CD83: variants seen among roughly 807,000 people sequenced by gnomAD.
The protein encoded by CD83 is CD83 molecule, also known as CD83 antigen.
In CD83, 22 loss-of-function variants were observed where a neutral mutation model predicts 24.6. The ratio of observed to expected loss-of-function variants is 0.90; its 90% CI spans 0.64 to 1.28. The LOEUF (loss-of-function observed/expected upper bound fraction) is 1.28. Among genes scored for constraint, CD83 ranks in the 50% most tolerant of loss-of-function variants. CD83 has a pLI of 0.00. For missense variants in CD83, 253 were observed against 252.8 expected (o/e 1.00, Z -0.01); for synonymous variants, 101 against 103.5 (o/e 0.98, Z 0.14).
intron 4 of CD83, among the ~76,000 whole-genome samples, chr6:14,134,413 G>T (rs1227174562): frequency 6.6e-6 from 1 of 152,186 alleles, no homozygotes; most frequent in Non-Finnish European, 1.5e-5. Context: ...CTGTGTTGAT[G>T]ATGGTTGTGG....
intron 3 of CD83, among the ~76,000 whole-genome samples, chr6:14,133,276 G>A (rs1426833004): frequency 6.6e-6 from 1 of 152,244 alleles, no homozygotes; most frequent in Non-Finnish European, 1.5e-5. Context: ...AGCCAGGAAA[G>A]GCTTGACATC....
intron 2 of CD83, among the ~76,000 whole-genome samples, chr6:14,124,665 G>T (rs1459556961): frequency 2.6e-5 from 4 of 152,146 alleles, no homozygotes; most frequent in African/African-American, 9.7e-5. Context: ...TCTTTCAGTT[G>T]TGAGGGATTG....
upstream of CD83, chr6:14,117,629 G>GCGGGGA: frequency 2.9e-6 from 1 of 344,892 alleles, no homozygotes; most frequent in East Asian, 4.2e-5. This position sits in a 1 kb window ranked among gnomAD's most constrained non-coding sequence, Gnocchi z 4.6. Flanking sequence ...GGCGAAGGGG[G>GCGGGGA]CGGGGACGGG....
At chr6:14,132,521 G>T (rs1757932725) in intron 3 of CD83, among the ~76,000 whole-genome samples, 1 of 152,234 alleles carries the variant, frequency 6.6e-6, no homozygotes, top group African/African-American at 2.4e-5. Context: ...TTGTTAGTGT[G>T]TGACCTTGAG....
chr6:14,117,803 G>A lies in CD83; in HGVS notation c.-9G>A, dbSNP rs111804875. ...CTGCAGCTCGTGGCAGCGGCGCAGC[G>A]CTCCAGCCATGTCGCGCGGCCTCCA... is the stretch of plus-strand genomic sequence containing the variant. On this transcript the variant is annotated 5_prime_UTR_variant, in exon 1 of 5. Coordinates refer to ENST00000379153, the MANE Select transcript of CD83 (RefSeq NM_004233.4). The surrounding 1 kb of genome is among the most constrained non-coding windows in gnomAD (Gnocchi z 4.6). The A allele has an allele frequency of 0.2, 303,870 of 1,533,824 alleles. 32,111 individuals are homozygous for A. Among genetic ancestry groups the A allele is most frequent in the Middle Eastern group, 0.23 (1,236 of 5,384 alleles).
At chr6:14,135,050 G>GT (rs1430027680) in intron 4 of CD83, 58 bp from the exon 5 acceptor site, 2 of 1,581,816 alleles carry the variant, frequency 1.3e-6, no homozygotes, top group Non-Finnish European at 1.7e-6. Context: ...TTAAAAGGAG[G>GT]TGACAACTGC....
rs2113381810 is a variant in CD83, at chr6:14,118,023, C to G, written c.111C>G (p.Ala37=). The G allele has an allele frequency of 6.2e-7, 1 of 1,610,690 alleles. No homozygotes were observed. The highest frequency in any genetic ancestry group is 8.5e-7 in the Non-Finnish European group (1 of 1,179,070). The change falls in exon 2 of 5, where the codon GCC becomes GCG. Residue 37 remains alanine, a synonymous_variant. Transcript: ENST00000379153. ...CSEDVDLPCT[A]PWDPQVPYTV... The stretch of plus-strand genomic sequence containing the variant: ...AAGATGTGGACTTGCCCTGCACCGC[C>G]CCCTGGGATCCGCAGGTTCCCTACA...
Position 14,136,379 on chromosome 6 carries a change from G to T in CD83, c.*1143G>T, listed in dbSNP as rs2113409835. 1 of 152,324 alleles carries T rather than the reference G, an allele frequency of 6.6e-6. No individual in the cohort carries two copies. The highest frequency in any genetic ancestry group is 2.1e-4 in the South Asian group (1 of 4,832). The allele number at this position is 152,324 out of a possible 1,614,324, so 9.4% of individuals were successfully genotyped here. On this transcript the variant is annotated 3_prime_UTR_variant, in exon 5 of 5. Coordinates refer to ENST00000379153, the MANE Select transcript of CD83 (RefSeq NM_004233.4). ...CTTCTGTAGGAATTCTTTTGGGGAA[G>T]TGAGGAAGCCAGGTCCACGGTCTGT...
Position 14,135,110 on chromosome 6 carries a change from G to A in CD83, c.492G>A (p.Lys164=), listed in dbSNP as rs756660070. The A allele has an allele frequency of 1.4e-5, 22 of 1,613,598 alleles. No individual in the cohort carries two copies. In the East Asian group the frequency reaches 4.7e-4, roughly 34 times the overall value. Residue 164 remains lysine (K), a splice_region_variant and synonymous_variant, in exon 5 of 5, where the codon AAG becomes AAA. Coordinates refer to ENST00000379153, the MANE Select transcript of CD83 (RefSeq NM_004233.4). ...FYLTLIIFTC[K]FARLQSIFPD... ...ACATTTCTTTCATTTCTTTTTAGAA[G>A]TTTGCACGGCTACAGAGTATCTTCC...
In CD83 at chr6:14,133,587, CT is replaced by C. The variant is rs1483118175; in HGVS notation, c.383-55del. On this transcript the variant is annotated intron_variant, in intron 3 of 4. Coordinates refer to ENST00000379153, the MANE Select transcript of CD83 (RefSeq NM_004233.4). The stretch of plus-strand genomic sequence containing the variant: ...GGACCAAGGAACAAAGCATTCTTAG[CT>C]TTTTTTCATGGTAGAAAAATCCTGT... The C allele has an allele frequency of 6.1e-6, 7 of 1,155,594 alleles. No homozygotes were observed. In the Admixed American group the frequency reaches 9.9e-5, roughly 16 times the overall value. 71.6% of individuals were successfully genotyped at this position (1,155,594 alleles called of 1,614,324 possible). A position where few individuals can be genotyped will look rare whatever the true frequency, so the allele number is the denominator to read the frequency against.
intron 2 of CD83, 96 bp downstream of exon 2, chr6:14,118,161 A>T: frequency 1.2e-6 from 1 of 840,818 alleles, no homozygotes; most frequent in Non-Finnish European, 1.8e-6. Flanking sequence ...TGTGGCTGCC[A>T]GGTGGGGGCG....
rs956486083 is a variant in CD83 at position 14,129,420 on chromosome 6, A to G, written c.154-2100A>G. ...GTTTATGGTTTACTTAGGCTTGAAA[A>G]GGGAAAAATGGTGCTAAATTAGATG... On this transcript the variant is annotated intron_variant, in intron 2 of 4. Coordinates refer to ENST00000379153, the MANE Select transcript of CD83 (RefSeq NM_004233.4). This position sits in a 1 kb window ranked among gnomAD's most constrained non-coding sequence, Gnocchi z 4.3. 5.3e-5 allele frequency among the ~76,000 whole-genome samples: 8 copies of G among 152,204 alleles called. No individual in the cohort carries two copies. The highest frequency in any genetic ancestry group is 1.9e-4 in the African/African-American group (8 of 41,450).
At chr6:14,130,743 AAAAG>A (rs752010834) in intron 2 of CD83, among the ~76,000 whole-genome samples, 9 of 152,264 alleles carry the variant, frequency 5.9e-5, no homozygotes, top group Admixed American at 2.0e-4. Context: ...AAAAAAGAAA[AAAAG>A]AAAGCCAGCC....
At chr6:14,127,145 C>T (rs936857869) in intron 2 of CD83, among the ~76,000 whole-genome samples, 4 of 152,028 alleles carry the variant, frequency 2.6e-5, no homozygotes, top group African/African-American at 4.8e-5. Context: ...TCCACTACCA[C>T]GCCCAGCTAA....
chr6:14,117,933 C>T lies in CD83; in HGVS notation c.38-17C>T, dbSNP rs1561827097. On this transcript the variant is annotated splice_polypyrimidine_tract_variant and intron_variant, in intron 1 of 4. Transcript: ENST00000379153. The surrounding 1 kb of genome is among the most constrained non-coding windows in gnomAD (Gnocchi z 4.6). The stretch of plus-strand genomic sequence containing the variant: ...CCGTCGGTCGCTTGCTCACGACGCG[C>T]TCTCTCTTTCTTGTAGCCTACAGCC... 1.9e-6 allele frequency: 3 copies of T among 1,601,832 alleles called. No individual in the cohort carries two copies. Among genetic ancestry groups the T allele is most frequent in the East Asian group, 4.5e-5 (2 of 44,442 alleles).
In CD83 at chr6:14,135,807, T is replaced by G. The variant is rs1314088975; in HGVS notation, c.*571T>G. On this transcript the variant is annotated 3_prime_UTR_variant, in exon 5 of 5. Coordinates refer to ENST00000379153, the MANE Select transcript of CD83 (RefSeq NM_004233.4). ...ACAAAGAAATAACAAGTCGATGAAC[T>G]ATTCCCCAGCAGGGTCTTTTCATCT... 1.3e-5 allele frequency: 2 copies of G among 152,306 alleles called. No homozygotes were observed. Among genetic ancestry groups the G allele is most frequent in the Non-Finnish European group, 2.9e-5 (2 of 68,084 alleles). The allele number at this position is 152,306 out of a possible 1,614,324, so 9.4% of individuals were successfully genotyped here. A position where few individuals can be genotyped will look rare whatever the true frequency, so the allele number is the denominator to read the frequency against.
chr6:14,123,935 T>G (rs1453233889), intron 2 of CD83, among the ~76,000 whole-genome samples: 1 of 152,126 alleles, frequency 6.6e-6, no homozygotes, highest in Non-Finnish European at 1.5e-5. Context: ...AGGGCAAGAC[T>G]AAAAGCAGAT....
chr6:14,134,664 A>G (rs749193214), intron 4 of CD83, among the ~76,000 whole-genome samples: 2 of 152,210 alleles, frequency 1.3e-5, no homozygotes, highest in Admixed American at 6.5e-5. Context: ...GTGAGCACCT[A>G]CTATGTTCAA....
intron 2 of CD83, among the ~76,000 whole-genome samples, chr6:14,124,572 C>T (rs1009882601): frequency 6.6e-6 from 1 of 152,132 alleles, no homozygotes; most frequent in Admixed American, 6.5e-5. Flanking sequence ...CAGGACTGGC[C>T]TCGAGGCTGG....
Sources: gnomAD v4.1 joint callset for allele counts (sites outside exome capture counted in the v4.1 genomes callset) on GRCh38, gnomAD v4.1.1 for gene constraint, Gnocchi (gnomAD v3.1) non-coding constraint, MANE v1.5 for transcripts, NCBI Gene and HGNC (gene_info 2026-07-23, HGNC 2026-07-21) for gene names.